Variants in EIF2AK2 observed in about 807,000 individuals in gnomAD.
The protein encoded by EIF2AK2 is eukaryotic translation initiation factor 2 alpha kinase 2, also known as interferon-induced, double-stranded RNA-activated protein kinase.
Under a neutral mutation model 70.5 loss-of-function variants are expected in EIF2AK2, and 40 were observed. That is an observed-to-expected ratio of 0.57 (90% CI 0.44 to 0.74). The LOEUF is 0.74. Among genes scored for constraint, EIF2AK2 ranks in the 30% least tolerant of loss-of-function variants. The pLI is 0.00. For missense variants in EIF2AK2, 555 were observed against 644.3 expected (o/e 0.86, Z 1.50); for synonymous variants, 198 against 220.9 (o/e 0.90, Z 0.92).
chr2:37,115,740 T>C (rs1014857512), intron 13 of EIF2AK2, among the ~76,000 whole-genome samples: 2 of 152,120 alleles, frequency 1.3e-5, no homozygotes, highest in Non-Finnish European at 2.9e-5. Context: ...GAATTTCTCT[T>C]GGGGGTCTTT....
Position 37,149,013 on chromosome 2 carries a change from T to C in EIF2AK2, c.-173A>G, listed in dbSNP as rs1054354639. 14 of 946,880 alleles carry C rather than the reference T, an allele frequency of 1.5e-5. No homozygotes were observed. The highest frequency in any genetic ancestry group is 2.3e-5 in the Non-Finnish European group (13 of 570,316). The allele number at this position is 946,880 out of a possible 1,614,324, so 58.7% of individuals were successfully genotyped here. A position where few individuals can be genotyped will look rare whatever the true frequency, so the allele number is the denominator to read the frequency against. On this transcript the variant is annotated 5_prime_UTR_variant, in exon 2 of 17. Transcript: ENST00000233057. ...CAAATCCAGGAAGGCAAACTGAATTTGCTCCAGAAACTGGTAAAAGAGAAA... is the reference window on the plus strand; with the variant it reads ...CAAATCCAGGAAGGCAAACTGAATTCGCTCCAGAAACTGGTAAAAGAGAAA...
chr2:37,154,887 T>A (rs1455866408), intron 1 of EIF2AK2, among the ~76,000 whole-genome samples: 2 of 152,042 alleles, frequency 1.3e-5, no homozygotes, highest in Non-Finnish European at 2.9e-5. Flanking sequence ...TCTGACAAGC[T>A]ACTCCTTTTC....
intron 13 of EIF2AK2, among the ~76,000 whole-genome samples, chr2:37,117,950 A>G (rs1674402371): frequency 6.6e-6 from 1 of 152,202 alleles, no homozygotes; most frequent in South Asian, 2.1e-4. Context: ...TTCTTAGAGG[A>G]GAGAAATCAA....
At chr2:37,143,113 C>T (rs967168872) in intron 4 of EIF2AK2, among the ~76,000 whole-genome samples, 1 of 151,632 alleles carries the variant, frequency 6.6e-6, no homozygotes, top group Non-Finnish European at 1.5e-5. Flanking sequence ...CCTGTAATCT[C>T]AGCTACTCAG....
At chr2:37,110,116 G>A (rs1290364274) in intron 14 of EIF2AK2, among the ~76,000 whole-genome samples, 1 of 151,932 alleles carries the variant, frequency 6.6e-6, no homozygotes, top group African/African-American at 2.4e-5. Context: ...CTGTCACCAG[G>A]CTGGAATGCA....
At chr2:37,110,648 C>A (rs1031130421) in intron 14 of EIF2AK2, among the ~76,000 whole-genome samples, 2 of 152,120 alleles carry the variant, frequency 1.3e-5, no homozygotes, top group Admixed American at 6.5e-5. Flanking sequence ...CTCAGTATAT[C>A]TATTCTTGGA....
chr2:37,139,264 G>A (rs1205342680), intron 6 of EIF2AK2, among the ~76,000 whole-genome samples: 5 of 149,650 alleles, frequency 3.3e-5, no homozygotes, highest in Non-Finnish European at 7.4e-5. Flanking sequence ...GCAGTGAGCC[G>A]AGATCGTGCC....
At chr2:37,126,257 C>T in intron 11 of EIF2AK2, 32 bp downstream of exon 11, 6 of 1,552,842 alleles carry the variant, frequency 3.9e-6, no homozygotes, top group Non-Finnish European at 5.2e-6. Context: ...CGTACCTTGC[C>T]ATTCAAAAAA....
At chr2:37,135,055 A>G (rs1034494999) in intron 10 of EIF2AK2, among the ~76,000 whole-genome samples, 1 of 152,226 alleles carries the variant, frequency 6.6e-6, no homozygotes, top group Non-Finnish European at 1.5e-5. Context: ...AGCCTGAAGC[A>G]TTATAAGAGT....
intron 11 of EIF2AK2, among the ~76,000 whole-genome samples, chr2:37,124,953 C>T (rs1338553296): frequency 6.6e-6 from 1 of 151,982 alleles, no homozygotes; most frequent in Non-Finnish European, 1.5e-5. Context: ...GTCTCAAACT[C>T]CTGGGCTCAA....
intron 13 of EIF2AK2, chr2:37,115,214 GTTTTT>G (rs747138117): frequency 5.0e-4 from 54 of 109,042 alleles, no homozygotes; most frequent in South Asian, 1.7e-3. Context: ...TGCCCGGCTA[GTTTTT>G]TTTTTTTTTT....
Position 37,107,502 on chromosome 2 carries a change from A to G in EIF2AK2, c.1505T>C (p.Ile502Thr). 3 of 1,612,792 alleles carry G rather than the reference A, an allele frequency of 1.9e-6. No individual in the cohort carries two copies. Among genetic ancestry groups the G allele is most frequent in the Non-Finnish European group, 2.5e-6 (3 of 1,179,740 alleles). Residue 502 changes from isoleucine to threonine, a missense_variant, in exon 16 of 17, where the codon ATC becomes ACC. Coordinates refer to ENST00000233057, the MANE Select transcript of EIF2AK2 (RefSeq NM_001135651.3). ...SKFFTDLRDG[I>T]ISDIFDKKEK... The stretch of plus-strand genomic sequence containing the variant: ...TTTTTTATCAAATATATCTGAGATG[A>G]TGCCATCCCGTAGGTCTGTGAAAAA...
At position 37,107,262 on chromosome 2, in the gene EIF2AK2, T is replaced by A. The variant is rs1306989429; in HGVS notation, c.*11A>T. The stretch of plus-strand genomic sequence containing the variant: ...TGCATATCAGAAGCAGGATACTTTT[T>A]CAGAAGGGCTCTAACATGTGTGTCG... On this transcript the variant is annotated 3_prime_UTR_variant, in exon 17 of 17. Coordinates refer to ENST00000233057, the MANE Select transcript of EIF2AK2 (RefSeq NM_001135651.3). The A allele has an allele frequency of 6.2e-7, 1 of 1,603,756 alleles. No homozygotes were observed. Among genetic ancestry groups the A allele is most frequent in the Admixed American group, 1.7e-5 (1 of 57,728 alleles).
intron 1 of EIF2AK2, among the ~76,000 whole-genome samples, chr2:37,156,250 G>C (rs1401431883): frequency 1.3e-5 from 2 of 152,180 alleles, no homozygotes; most frequent in African/African-American, 2.4e-5. Flanking sequence ...GGCCGGAGTA[G>C]GGGGTGCGAG....
rs1673834232 is a variant in EIF2AK2, at chr2:37,101,813, G to C, written c.*5460C>G. 1 of 152,174 alleles carries C rather than the reference G, an allele frequency of 6.6e-6. No homozygotes were observed. The highest frequency in any genetic ancestry group is 2.4e-5 in the African/African-American group (1 of 41,450). The allele number at this position is 152,174 out of a possible 1,614,324, so 9.4% of individuals were successfully genotyped here. Reference sequence around the variant, plus strand: ...GTATTTTTGAGATAGAAACAATACAGACTATTATATGATAATTAAGGAAAT... The same window carrying C: ...GTATTTTTGAGATAGAAACAATACACACTATTATATGATAATTAAGGAAAT... On this transcript the variant is annotated 3_prime_UTR_variant, in exon 17 of 17. Transcript: ENST00000233057.
At chr2:37,118,847 A>T (rs976852686) in intron 13 of EIF2AK2, among the ~76,000 whole-genome samples, 4 of 152,214 alleles carry the variant, frequency 2.6e-5, no homozygotes, top group African/African-American at 7.2e-5. Flanking sequence ...TATTTCTCTC[A>T]AGGAATTTTT....
chr2:37,153,230 T>C (rs1000849355), intron 1 of EIF2AK2, among the ~76,000 whole-genome samples: 2 of 152,038 alleles, frequency 1.3e-5, no homozygotes, highest in African/African-American at 4.8e-5. Context: ...CAATGTTGTG[T>C]AGCCGCCACC....
intron 10 of EIF2AK2, among the ~76,000 whole-genome samples, chr2:37,129,644 G>C (rs1407511682): frequency 6.6e-6 from 1 of 152,130 alleles, no homozygotes; most frequent in African/African-American, 2.4e-5. Context: ...AGGCCCATTA[G>C]AATGTTCATT....
chr2:37,109,215 G>T lies in EIF2AK2; in HGVS notation c.1458C>A (p.Asp486Glu), dbSNP rs1268378433. 6.2e-7 allele frequency: 1 copy of T among 1,614,146 alleles called. No individual in the cohort carries two copies. Among genetic ancestry groups the T allele is most frequent in the Admixed American group, 1.7e-5 (1 of 60,008 alleles). ...TTACCTTTGATGTTTCAAAAGCAGT[G>T]TCACATACATGAAGAAGTTCAGCAA... ...LILAELLHVC[D>E]TAFETSKFFT... Residue 486 changes from aspartate to glutamate, a missense_variant, in exon 15 of 17, where the codon GAC (aspartate) becomes GAA (glutamate). By Grantham distance (45) the Asp-to-Glu change is conservative (BLOSUM62 2). Coordinates refer to ENST00000233057, the MANE Select transcript of EIF2AK2 (RefSeq NM_001135651.3).
Sources: allele counts gnomAD v4.1 joint callset (sites outside exome capture counted in the v4.1 genomes callset), GRCh38; gene constraint gnomAD v4.1.1; transcripts MANE v1.5; gene names NCBI Gene and HGNC (gene_info 2026-07-23, HGNC 2026-07-21).